Variants in MYCT1 observed in about 807,000 individuals in gnomAD.
MYCT1 encodes MYC target 1, also known as myc target protein 1.
In MYCT1, 12 loss-of-function variants were observed where a neutral mutation model predicts 15.0. That is an observed-to-expected ratio of 0.80 (90% CI 0.51 to 1.29). MYCT1 has a LOEUF of 1.29. MYCT1 is among the 50% of genes most tolerant of loss of function. The pLI is 0.00. For missense variants in MYCT1, 287 were observed against 279.1 expected (o/e 1.03, Z -0.20); for synonymous variants, 104 against 102.7 (o/e 1.01, Z -0.07).
At chr6:152,699,946 T>G (rs768108482) in intron 1 of MYCT1, among the ~76,000 whole-genome samples, 2 of 152,008 alleles carry the variant, frequency 1.3e-5, no homozygotes, top group Non-Finnish European at 2.9e-5. Context: ...GTGACTGTAA[T>G]GAAAATTAGA....
chr6:152,729,577 C>G, the MYCT1 span, among the ~76,000 whole-genome samples: 7 of 152,164 alleles, frequency 4.6e-5, no homozygotes, highest in African/African-American at 1.7e-4. Context: ...AAGCTGAAAT[C>G]CAAGGTACAG....
chr6:152,732,017 A>T, the MYCT1 span, among the ~76,000 whole-genome samples: 1 of 152,174 alleles, frequency 6.6e-6, no homozygotes, highest in Non-Finnish European at 1.5e-5. Flanking sequence ...AAGAATATAC[A>T]AGTAAGTTTG....
At chr6:152,726,346 G>A (rs889133964), downstream of MYCT1, among the ~76,000 whole-genome samples, 93 of 150,782 alleles carry the variant, frequency 6.2e-4, 1 homozygote, top group Non-Finnish European at 4.0e-4. Context: ...ACAGTGAGCC[G>A]AGATTGTGCA....
chr6:152,719,172 T>G (rs1286007834), intron 1 of MYCT1, among the ~76,000 whole-genome samples: 2 of 152,212 alleles, frequency 1.3e-5, no homozygotes, highest in African/African-American at 4.8e-5. Flanking sequence ...TGTTGATATT[T>G]AAAAGTCTCC....
intron 1 of MYCT1, among the ~76,000 whole-genome samples, chr6:152,714,259 T>C (rs2099723237): frequency 1.1e-5 from 1 of 88,994 alleles, no homozygotes; most frequent in South Asian, 5.0e-4. Flanking sequence ...TTTTATTAGA[T>C]TTTTTTCATA....
chr6:152,725,492 G>A (rs2099725496), downstream of MYCT1, among the ~76,000 whole-genome samples: 1 of 152,024 alleles, frequency 6.6e-6, no homozygotes. Flanking sequence ...TGCCAAGTTG[G>A]CCAGGCTGGT....
the MYCT1 span, among the ~76,000 whole-genome samples, chr6:152,744,829 C>A: frequency 6.6e-6 from 1 of 152,170 alleles, no homozygotes. Flanking sequence ...GGGTTCCCAG[C>A]AGAGGCGGGA....
At chr6:152,699,870 T>C (rs918001264) in intron 1 of MYCT1, among the ~76,000 whole-genome samples, 1 of 152,150 alleles carries the variant, frequency 6.6e-6, no homozygotes, top group African/African-American at 2.4e-5. Flanking sequence ...TGGAAATCTG[T>C]GCTTAAGAGG....
At position 152,722,096 on chromosome 6, in the gene MYCT1, T is replaced by G; in HGVS notation, c.551T>G (p.Leu184Arg). The change falls in exon 2 of 2, where the codon CTG becomes CGG. Residue 184 changes from leucine to arginine, a missense_variant. By Grantham distance (102) the Leu-to-Arg change is moderately radical (BLOSUM62 -2). Transcript: ENST00000367245. Reference protein sequence around the residue: ...PPLPVETESQLVTLPSSNISP... With the variant: ...PPLPVETESQRVTLPSSNISP... ...CTTCCTGTGGAAACTGAGAGTCAGC[T>G]GGTGACTCTCCCTTCTTCCAATATC... 3.1e-6 allele frequency: 5 copies of G among 1,614,068 alleles called. No homozygotes were observed. The highest frequency in any genetic ancestry group is 4.2e-6 in the Non-Finnish European group (5 of 1,179,954).
At chr6:152,703,091 A>T (rs1426472095) in intron 1 of MYCT1, among the ~76,000 whole-genome samples, 2 of 152,204 alleles carry the variant, frequency 1.3e-5, no homozygotes, top group African/African-American at 4.8e-5. Flanking sequence ...TGTAAAACAA[A>T]TTGGGACGTT....
chr6:152,734,290 C>G, the MYCT1 span, among the ~76,000 whole-genome samples: 12 of 152,182 alleles, frequency 7.9e-5, no homozygotes, highest in Non-Finnish European at 1.6e-4. Flanking sequence ...CTAAGGATTT[C>G]AGTCCTCCAA....
chr6:152,700,014 A>G (rs1401124431), intron 1 of MYCT1, among the ~76,000 whole-genome samples: 3 of 152,162 alleles, frequency 2.0e-5, no homozygotes, highest in Non-Finnish European at 4.4e-5. Flanking sequence ...AACAAAGCCA[A>G]TGGAAACATG....
chr6:152,731,748 A>ATT, the MYCT1 span, among the ~76,000 whole-genome samples: 454 of 140,434 alleles, frequency 3.2e-3, 4 homozygotes, highest in African/African-American at 8.8e-3. Flanking sequence ...AGAGAACGCC[A>ATT]TTTTTTTTTT....
chr6:152,744,483 T>C, the MYCT1 span, among the ~76,000 whole-genome samples: 2 of 151,666 alleles, frequency 1.3e-5, no homozygotes, highest in African/African-American at 4.9e-5. Context: ...AATAAAGAGG[T>C]AGAATTGAGG....
At chr6:152,733,922 A>G in the MYCT1 span, among the ~76,000 whole-genome samples, 1 of 152,052 alleles carries the variant, frequency 6.6e-6, no homozygotes, top group Admixed American at 6.6e-5. Flanking sequence ...TATGGCAGAA[A>G]AAATGTTCAG....
the MYCT1 span, among the ~76,000 whole-genome samples, chr6:152,740,445 T>C: frequency 6.6e-6 from 1 of 152,194 alleles, no homozygotes; most frequent in East Asian, 1.9e-4. Context: ...TTCTTACTGT[T>C]TAACCATATA....
chr6:152,721,698 A>C (rs763819599), intron 1 of MYCT1, 44 bp from the exon 2 acceptor site: 3 of 1,560,892 alleles, frequency 1.9e-6, no homozygotes, highest in Non-Finnish European at 2.6e-6. Flanking sequence ...TTAGTTGAAA[A>C]CCTATTTAAA....
At position 152,721,942 on chromosome 6, in the gene MYCT1, C is replaced by T. The variant is rs41292880; in HGVS notation, c.397C>T (p.Arg133Cys). The change falls in exon 2 of 2, where the codon CGT becomes TGT. Residue 133 changes from arginine to cysteine, a missense_variant. Coordinates refer to ENST00000367245, the MANE Select transcript of MYCT1 (RefSeq NM_025107.3). ...ATTTTACCGCCACAGTGGCTGTGAACGTCGAAGCAACCTCAGCCTGGCCAG... is the reference window on the plus strand; with the variant it reads ...ATTTTACCGCCACAGTGGCTGTGAATGTCGAAGCAACCTCAGCCTGGCCAG... ...TGFYRHSGCE[R>C]RSNLSLASLT... is the part of the protein sequence containing the mutation. 3,352 of 1,614,156 alleles carry T rather than the reference C, an allele frequency of 2.1e-3. 4 individuals are homozygous for T. Among genetic ancestry groups the T allele is most frequent in the Non-Finnish European group, 2.6e-3 (3,066 of 1,180,020 alleles).
At chr6:152,734,281 T>G in the MYCT1 span, among the ~76,000 whole-genome samples, 1 of 152,300 alleles carries the variant, frequency 6.6e-6, no homozygotes, top group Admixed American at 6.5e-5. Flanking sequence ...TATATTATTC[T>G]AAGGATTTCA....
Sources: gnomAD v4.1 joint callset for allele counts (sites outside exome capture counted in the v4.1 genomes callset) on GRCh38, gnomAD v4.1.1 for gene constraint, MANE v1.5 for transcripts, NCBI Gene and HGNC (gene_info 2026-07-23, HGNC 2026-07-21) for gene names.